SCAMP2: variants seen among roughly 807,000 people sequenced by gnomAD.
SCAMP2 encodes secretory carrier membrane protein 2.
A neutral mutation model predicts 44.1 loss-of-function variants in SCAMP2; 25 were observed. The observed-to-expected ratio is 0.57, with a 90% CI of 0.41 to 0.79. The LOEUF (loss-of-function observed/expected upper bound fraction) is 0.79, where lower values mean the gene tolerates loss of function less well. SCAMP2 is among the 30% of genes least tolerant of loss of function. The probability of loss-of-function intolerance (pLI) is 0.00; values close to 1 mark genes in which losing one functional copy is unlikely to be tolerated. For synonymous variants in SCAMP2, 156 were observed against 166.0 expected (o/e 0.94, Z 0.46); for missense variants, 355 against 411.0 (o/e 0.86, Z 1.18).
intron 3 of SCAMP2, 135 bp downstream of exon 3, chr15:74,853,886 G>A (rs529143323): frequency 7.1e-5 from 53 of 745,092 alleles, no homozygotes; most frequent in African/African-American, 6.7e-4. Context: ...GACCAGCTCC[G>A]AACAAATTAG....
intron 1 of SCAMP2, among the ~76,000 whole-genome samples, chr15:74,859,961 G>A (rs1320172498): frequency 2.0e-5 from 3 of 151,950 alleles, no homozygotes; most frequent in Admixed American, 6.6e-5. Context: ...CTTATCTCAC[G>A]GACTAAAAAA....
chr15:74,848,655 A>C lies in SCAMP2; in HGVS notation c.679T>G (p.Cys227Gly). The change falls in exon 7 of 9, where the codon TGT becomes GGT. Residue 227 changes from cysteine to glycine, a missense_variant. Physicochemically the swap from Cys to Gly is radical, Grantham distance 159 (BLOSUM62 -3). Transcript: ENST00000268099. ...TGGATGATGTAGATCCCTATTTGAC[A>C]AAAAAATACAAAGAAGAACACAAAG... Reference protein sequence around the residue: ...SFFVFFFVFFCQIGIYIIQLV... With the variant: ...SFFVFFFVFFGQIGIYIIQLV... 4 of 1,612,986 alleles carry C rather than the reference A, an allele frequency of 2.5e-6. No individual in the cohort carries two copies. Among genetic ancestry groups the C allele is most frequent in the Non-Finnish European group, 3.4e-6 (4 of 1,179,086 alleles).
At chr15:74,861,716 G>A (rs1465961723) in intron 1 of SCAMP2, among the ~76,000 whole-genome samples, 1 of 151,892 alleles carries the variant, frequency 6.6e-6, no homozygotes, top group African/African-American at 2.4e-5. Flanking sequence ...GGCTAACACG[G>A]TGAAACCCTG....
At chr15:74,867,090 C>G (rs1265304150) in intron 1 of SCAMP2, among the ~76,000 whole-genome samples, 1 of 152,166 alleles carries the variant, frequency 6.6e-6, no homozygotes, top group Non-Finnish European at 1.5e-5. Context: ...CCACTGCGCC[C>G]CAGCCTCAGT....
intron 1 of SCAMP2, among the ~76,000 whole-genome samples, chr15:74,864,408 T>C (rs543016423): frequency 1.3e-5 from 2 of 152,240 alleles, no homozygotes; most frequent in African/African-American, 4.8e-5. Flanking sequence ...GAGAAGGTTA[T>C]GGAGGCTGTG....
In SCAMP2 at chr15:74,851,368, A is replaced by G; in HGVS notation, c.457T>C (p.Tyr153His). The G allele has an allele frequency of 1.2e-6, 2 of 1,614,072 alleles. No homozygotes were observed. Among genetic ancestry groups the G allele is most frequent in the Non-Finnish European group, 1.7e-6 (2 of 1,179,958 alleles). Residue 153 changes from tyrosine to histidine, a missense_variant, in exon 5 of 9, where the codon TAC (tyrosine) becomes CAC (histidine). By Grantham distance (83) the Tyr-to-His change is moderately conservative. Coordinates refer to ENST00000268099, the MANE Select transcript of SCAMP2 (RefSeq NM_005697.5). Reference sequence around the variant, plus strand: ...TGGGACTCACACATCCACAGATAGTAGAGCATCTTGCATATCCGCTGGTAG... The same window carrying G: ...TGGGACTCACACATCCACAGATAGTGGAGCATCTTGCATATCCGCTGGTAG... ...ADYQRICKML[Y>H]YLWMLHSVTL...
chr15:74,873,057 G>A (rs565909923), intron 1 of SCAMP2, 142 bp downstream of exon 1: 4 of 690,586 alleles, frequency 5.8e-6, no homozygotes, highest in South Asian at 4.9e-5. Flanking sequence ...GTTACGATAG[G>A]CCAGACCTCA....
At chr15:74,855,716 C>CAAAA (rs10609131) in intron 1 of SCAMP2, among the ~76,000 whole-genome samples, 1 of 84,060 alleles carries the variant, frequency 1.2e-5, no homozygotes, top group African/African-American at 4.6e-5. Context: ...AACTCCATCT[C>CAAAA]AAAAAAAAAA....
intron 1 of SCAMP2, among the ~76,000 whole-genome samples, chr15:74,862,506 G>A (rs2064513711): frequency 6.6e-6 from 1 of 151,190 alleles, no homozygotes; most frequent in African/African-American, 2.4e-5. Context: ...AACCCAGGAG[G>A]CAGAGGCTGC....
chr15:74,848,661 A>G lies in SCAMP2; in HGVS notation c.673T>C (p.Phe225Leu). 1.2e-6 allele frequency: 2 copies of G among 1,613,960 alleles called. No homozygotes were observed. Among genetic ancestry groups the G allele is most frequent in the Non-Finnish European group, 1.7e-6 (2 of 1,179,874 alleles). The change falls in exon 7 of 9, where the codon TTT becomes CTT. Residue 225 changes from phenylalanine (F) to leucine (L), a missense_variant. Coordinates refer to ENST00000268099, the MANE Select transcript of SCAMP2 (RefSeq NM_005697.5). ...SFSFFVFFFVFFCQIGIYIIQ... is the reference protein window; with the variant it reads ...SFSFFVFFFVLFCQIGIYIIQ... The stretch of plus-strand genomic sequence containing the variant: ...ATGTAGATCCCTATTTGACAAAAAA[A>G]TACAAAGAAGAACACAAAGAAGCTG...
At chr15:74,860,139 G>A (rs78940327) in intron 1 of SCAMP2, among the ~76,000 whole-genome samples, 11,799 of 152,210 alleles carry the variant, frequency 0.078, 935 homozygotes, top group South Asian at 0.35. Context: ...GGCCTGGCGC[G>A]GTGGCTCAGG....
At chr15:74,863,887 A>T (rs2064525121) in intron 1 of SCAMP2, among the ~76,000 whole-genome samples, 2 of 152,180 alleles carry the variant, frequency 1.3e-5, no homozygotes, top group Admixed American at 1.3e-4. Context: ...AGGGTGAGAC[A>T]CAGTGTGATC....
chr15:74,871,354 G>C (rs1306117849), intron 1 of SCAMP2, among the ~76,000 whole-genome samples: 1 of 149,172 alleles, frequency 6.7e-6, no homozygotes, highest in Non-Finnish European at 1.5e-5. Flanking sequence ...CTACTCAGGA[G>C]ACTGAGGTGG....
chr15:74,870,639 G>A (rs779559512), intron 1 of SCAMP2, among the ~76,000 whole-genome samples: 4 of 152,120 alleles, frequency 2.6e-5, no homozygotes, highest in Admixed American at 6.5e-5. Context: ...CCTTGCAAAC[G>A]CTCTGTCAAG....
intron 1 of SCAMP2, among the ~76,000 whole-genome samples, chr15:74,867,936 C>T (rs1473778274): frequency 2.0e-5 from 3 of 152,236 alleles, no homozygotes; most frequent in African/African-American, 7.2e-5. Flanking sequence ...GCCCTAGGCA[C>T]TTGCCTGGGT....
intron 6 of SCAMP2, among the ~76,000 whole-genome samples, chr15:74,849,153 A>G (rs981303999): frequency 3.3e-5 from 5 of 152,220 alleles, no homozygotes; most frequent in Non-Finnish European, 7.3e-5. Context: ...TCTCTTAATA[A>G]TAAGTAAATC....
intron 6 of SCAMP2, among the ~76,000 whole-genome samples, chr15:74,849,366 TG>T (rs1479382525): frequency 6.6e-6 from 1 of 152,066 alleles, no homozygotes; most frequent in Non-Finnish European, 1.5e-5. Flanking sequence ...GAGACTCACT[TG>T]AACCTGGGAG....
At chr15:74,855,403 T>C (rs2064462453) in intron 1 of SCAMP2, among the ~76,000 whole-genome samples, 1 of 150,584 alleles carries the variant, frequency 6.6e-6, no homozygotes, top group Non-Finnish European at 1.5e-5. Flanking sequence ...TGCCTGGCCA[T>C]TCCTCTTATT....
At chr15:74,865,895 G>A (rs992387840) in intron 1 of SCAMP2, among the ~76,000 whole-genome samples, 13 of 147,982 alleles carry the variant, frequency 8.8e-5, no homozygotes, top group African/African-American at 2.2e-4. Flanking sequence ...AGGCTGCAGT[G>A]AGCCGTGATT....
Sources: allele counts gnomAD v4.1 joint callset (sites outside exome capture counted in the v4.1 genomes callset), GRCh38; gene constraint gnomAD v4.1.1; transcripts MANE v1.5; gene names NCBI Gene and HGNC (gene_info 2026-07-23, HGNC 2026-07-21).